Variants in ATP5MJ observed in about 807,000 individuals in gnomAD.
ATP5MJ encodes ATP synthase membrane subunit j.
In ATP5MJ, 4 loss-of-function variants were observed where a neutral mutation model predicts 8.3. The observed-to-expected ratio is 0.48, with a 90% confidence interval of 0.24 to 1.11. ATP5MJ has a LOEUF of 1.11. Among genes scored for constraint, ATP5MJ ranks in the 50% least tolerant of loss-of-function variants. ATP5MJ has a pLI of 0.18. For synonymous variants in ATP5MJ, 23 were observed against 21.3 expected, an observed-to-expected ratio of 1.08 and a Z score of -0.23; for missense variants, 66 against 71.8, an observed-to-expected ratio of 0.92 and a Z score of 0.29.
intron 1 of ATP5MJ, chr14:103,921,141 C>T (rs1489287090): frequency 2.9e-6 from 3 of 1,022,698 alleles, no homozygotes; most frequent in Non-Finnish European, 4.4e-6. Context: ...GGCTTGGACT[C>T]TGGCTTCTCT....
intron 3 of ATP5MJ, 101 bp from the exon 4 acceptor site, chr14:103,912,795 A>G (rs1156560760): frequency 8.4e-7 from 1 of 1,195,932 alleles, no homozygotes; most frequent in Admixed American, 1.8e-5. Context: ...CAACAGTCCA[A>G]AAAGATAAAT....
chr14:103,921,144 G>C, intron 1 of ATP5MJ: 2 of 999,860 alleles, frequency 2.0e-6, no homozygotes, highest in Non-Finnish European at 3.0e-6. Flanking sequence ...TTGGACTCTG[G>C]CTTCTCTAAC....
At chr14:103,916,905 G>GTGTCAGCTT (rs2087630393) in intron 1 of ATP5MJ, among the ~76,000 whole-genome samples, 1 of 152,100 alleles carries the variant, frequency 6.6e-6, no homozygotes, top group Non-Finnish European at 1.5e-5. Context: ...GCAGCTGTGT[G>GTGTCAGCTT]TGTCAGCTTT....
intron 1 of ATP5MJ, 144 bp downstream of exon 1, chr14:103,921,326 A>C (rs181342223): frequency 1.4e-5 from 4 of 287,754 alleles, no homozygotes; most frequent in East Asian, 6.8e-5. Flanking sequence ...ACCTCCCTTC[A>C]GAGAAGGGAA....
intron 1 of ATP5MJ, among the ~76,000 whole-genome samples, chr14:103,920,122 GC>G (rs1326780096): frequency 2.1e-5 from 3 of 145,890 alleles, no homozygotes; most frequent in African/African-American, 7.7e-5. Flanking sequence ...ACCGCGTCCG[GC>G]CCCTACTTTT....
chr14:103,917,896 G>GTCA (rs2087638384), intron 1 of ATP5MJ: 2 of 152,192 alleles, frequency 1.3e-5, no homozygotes. Context: ...AAATCTGTAC[G>GTCA]TCATGCTCCT....
chr14:103,914,510 C>T (rs1373752922), intron 2 of ATP5MJ: 1 of 675,076 alleles, frequency 1.5e-6, no homozygotes, highest in Non-Finnish European at 2.7e-6. Context: ...TTCAAAGTTC[C>T]CCAATTGGGC....
intron 1 of ATP5MJ, among the ~76,000 whole-genome samples, chr14:103,920,129 C>CTTTTT (rs74373978): frequency 0.02 from 2,438 of 121,448 alleles, 44 homozygotes; most frequent in East Asian, 0.065. Context: ...CCGGCCCCTA[C>CTTTTT]TTTTTTTTTT....
chr14:103,917,718 C>T lies in ATP5MJ; in HGVS notation c.1-2529G>A, dbSNP rs1293518899. ...AGGCCGGAGCTACAGCAGGGACTGCCCTGATTGTGGTTAGTTCTGTCTCTA... is the reference window on the plus strand; with the variant it reads ...AGGCCGGAGCTACAGCAGGGACTGCTCTGATTGTGGTTAGTTCTGTCTCTA... On this transcript the variant is annotated intron_variant, in intron 1 of 3. Transcript: ENST00000286953. 5.3e-5 allele frequency among the ~76,000 whole-genome samples: 8 copies of T among 152,120 alleles called. No individual in the cohort carries two copies. In the East Asian group the frequency reaches 1.5e-3, roughly 29 times the overall value.
chr14:103,913,558 C>T (rs8022769), intron 3 of ATP5MJ: 5,374 of 274,322 alleles, frequency 0.02, 228 homozygotes, highest in Admixed American at 0.13. Context: ...TTGCAGTGAG[C>T]TGAGATCGCA....
intron 3 of ATP5MJ, 90 bp downstream of exon 3, chr14:103,913,871 G>A (rs555704662): frequency 7.5e-6 from 11 of 1,461,046 alleles, no homozygotes; most frequent in African/African-American, 2.8e-5. Flanking sequence ...ACTGTGTTTC[G>A]ATTTCAATTG....
chr14:103,920,984 A>C (rs1410304873), intron 1 of ATP5MJ: 2 of 1,551,662 alleles, frequency 1.3e-6, no homozygotes, highest in Non-Finnish European at 1.7e-6. Flanking sequence ...GTTCCATACA[A>C]TTTCATTCAG....
At chr14:103,915,231 C>T (rs771182349) in intron 1 of ATP5MJ, 42 bp from the exon 2 acceptor site, 1 of 1,599,718 alleles carries the variant, frequency 6.3e-7, no homozygotes, top group South Asian at 1.1e-5. Context: ...ATGATGATTG[C>T]TTTAAACCTA....
At chr14:103,912,810 C>A in intron 3 of ATP5MJ, 116 bp from the exon 4 acceptor site, 1 of 966,234 alleles carries the variant, frequency 1.0e-6, no homozygotes, top group Non-Finnish European at 1.6e-6. Context: ...ATAAATGACA[C>A]CTTTCAATAC....
chr14:103,920,473 T>C (rs1309625503), intron 1 of ATP5MJ, among the ~76,000 whole-genome samples: 1 of 142,288 alleles, frequency 7.0e-6, no homozygotes, highest in Non-Finnish European at 1.5e-5. Flanking sequence ...CCCTACTTTT[T>C]TTTTTTTTTT....
At chr14:103,919,235 G>T (rs555669853) in intron 1 of ATP5MJ, among the ~76,000 whole-genome samples, 1 of 151,006 alleles carries the variant, frequency 6.6e-6, no homozygotes, top group South Asian at 2.1e-4. Context: ...ACAAAAACTA[G>T]CTGGGCATGG....
intron 3 of ATP5MJ, 130 bp from the exon 4 acceptor site, chr14:103,912,824 TG>T: frequency 1.1e-6 from 1 of 876,856 alleles, no homozygotes; most frequent in Non-Finnish European, 1.8e-6. Flanking sequence ...TCAATACTAT[TG>T]AAAAGTAGGA....
At chr14:103,915,345 C>T (rs2087616859) in intron 1 of ATP5MJ, among the ~76,000 whole-genome samples, 156 bp from the exon 2 acceptor site, 1 of 152,004 alleles carries the variant, frequency 6.6e-6, no homozygotes, top group African/African-American at 2.4e-5. Context: ...TCACAGGGGA[C>T]TCACACCTCT....
Position 103,912,499 on chromosome 14 carries a change from G to T in ATP5MJ, c.*167C>A. 1 of 718,748 alleles carries T rather than the reference G, an allele frequency of 1.4e-6. No homozygotes were observed. Among genetic ancestry groups the T allele is most frequent in the Non-Finnish European group, 2.4e-6 (1 of 416,772 alleles). 44.5% of individuals were successfully genotyped at this position (718,748 alleles called of 1,614,324 possible). A position where few individuals can be genotyped will look rare whatever the true frequency, so the allele number is the denominator to read the frequency against. Reference sequence around the variant, plus strand: ...GGGGCTGAGGGGGAACACACTGAAAGCAGTACCAGGTAGCAGTGCATCTCA... The same window carrying T: ...GGGGCTGAGGGGGAACACACTGAAATCAGTACCAGGTAGCAGTGCATCTCA... On this transcript the variant is annotated 3_prime_UTR_variant, in exon 4 of 4. Coordinates refer to ENST00000286953, the MANE Select transcript of ATP5MJ (RefSeq NM_004894.3).
Sources: allele counts gnomAD v4.1 joint callset (sites outside exome capture counted in the v4.1 genomes callset), GRCh38; gene constraint gnomAD v4.1.1; transcripts MANE v1.5; gene names NCBI Gene and HGNC (gene_info 2026-07-23, HGNC 2026-07-21).